Variants in AGFG1 observed in about 807,000 individuals in gnomAD.
AGFG1 encodes the protein ArfGAP with FG repeats 1.
AGFG1 carries 10 observed loss-of-function variants against 60.6 expected under a neutral mutation model. The observed-to-expected ratio is 0.16, with a 90% confidence interval of 0.10 to 0.28. The LOEUF (loss-of-function observed/expected upper bound fraction) is 0.28, where lower values mean the gene tolerates loss of function less well. Among genes scored for constraint, AGFG1 ranks in the 10% least tolerant of loss-of-function variants. The pLI, the probability that AGFG1 is intolerant of heterozygous loss-of-function variation, is 1.00. For synonymous variants in AGFG1, 247 were observed against 242.9 expected (o/e 1.02, Z -0.16); for missense variants, 537 against 676.5 (o/e 0.79, Z 2.29).
chr2:227,540,511 C>T (rs1388966504), intron 10 of AGFG1, among the ~76,000 whole-genome samples: 1 of 152,150 alleles, frequency 6.6e-6, no homozygotes, highest in Non-Finnish European at 1.5e-5. Context: ...CGTGTGCCTA[C>T]AAAGGACATG....
Position 227,520,001 on chromosome 2 carries a change from A to G in AGFG1, c.315A>G (p.Pro105=). 1.9e-6 allele frequency: 3 copies of G among 1,586,722 alleles called. No individual in the cohort carries two copies. The highest frequency in any genetic ancestry group is 4.6e-5 in the East Asian group (2 of 43,084). ...GLFDDRSSAI[P]DFRDPQKVKE... ...TTGATGATAGATCTTCAGCAATTCCAGACTTCAGGGATCCACAAAAAGTGA... is the reference window on the plus strand; with the variant it reads ...TTGATGATAGATCTTCAGCAATTCCGGACTTCAGGGATCCACAAAAAGTGA... Residue 105 remains proline (P), a synonymous_variant, in exon 3 of 13, where the codon CCA becomes CCG. Transcript: ENST00000310078.
At chr2:227,535,255 C>CTA (rs1420524354) in intron 8 of AGFG1, among the ~76,000 whole-genome samples, 4 of 152,170 alleles carry the variant, frequency 2.6e-5, no homozygotes, top group African/African-American at 9.7e-5. Flanking sequence ...TCCTTGAACA[C>CTA]TAAACCGTAT....
intron 2 of AGFG1, among the ~76,000 whole-genome samples, chr2:227,517,632 C>T (rs1045348918): frequency 6.6e-6 from 1 of 152,344 alleles, no homozygotes; most frequent in African/African-American, 2.4e-5. Flanking sequence ...CAAGTCCTTT[C>T]TCCTAACCTT....
At chr2:227,523,410 T>A (rs1228898138) in intron 3 of AGFG1, among the ~76,000 whole-genome samples, 3 of 152,308 alleles carry the variant, frequency 2.0e-5, no homozygotes, top group East Asian at 1.9e-4. Context: ...AAGATAATTT[T>A]AAAAATTATA....
At chr2:227,553,419 C>T (rs1692880397) in intron 11 of AGFG1, among the ~76,000 whole-genome samples, 3 of 150,962 alleles carry the variant, frequency 2.0e-5, no homozygotes, top group Non-Finnish European at 2.9e-5. Context: ...TCACCTGAGC[C>T]CTGGAGGTTG....
Position 227,558,084 on chromosome 2 carries a change from G to A in AGFG1, c.*3589G>A, listed in dbSNP as rs1469224730. The A allele has an allele frequency of 3.3e-5, 5 of 152,158 alleles. No individual in the cohort carries two copies. Among genetic ancestry groups the A allele is most frequent in the Admixed American group, 3.3e-4 (5 of 15,280 alleles). The allele number at this position is 152,158 out of a possible 1,614,324, so 9.4% of individuals were successfully genotyped here. ...ACACTACTTCAAGGTAATAATAGCA[G>A]TGGTATTATGGGCTGTGTATGAGAT... On this transcript the variant is annotated 3_prime_UTR_variant, in exon 13 of 13. Transcript: ENST00000310078.
intron 2 of AGFG1, among the ~76,000 whole-genome samples, chr2:227,514,572 A>G (rs894907716): frequency 1.3e-5 from 2 of 152,178 alleles, no homozygotes; most frequent in East Asian, 1.9e-4. Flanking sequence ...AAACCTCCCT[A>G]TGAAATAGGT....
At chr2:227,479,459 T>C (rs1291979813) in intron 1 of AGFG1, among the ~76,000 whole-genome samples, 1 of 152,228 alleles carries the variant, frequency 6.6e-6, no homozygotes, top group Non-Finnish European at 1.5e-5. Context: ...TTAAAAGAAC[T>C]TGCCGACCTC....
In AGFG1 at chr2:227,560,369, C is replaced by T. The variant is rs1251521083; in HGVS notation, c.*5874C>T. ...ATTATTCTATTTTGAGGCTCACCAG[C>T]TGTGTAGGTATGATCTTGTGCTTCC... is the stretch of plus-strand genomic sequence containing the variant. On this transcript the variant is annotated 3_prime_UTR_variant, in exon 13 of 13. Coordinates refer to ENST00000310078, the MANE Select transcript of AGFG1 (RefSeq NM_004504.5). The T allele has an allele frequency of 6.6e-6, 1 of 152,036 alleles. No individual in the cohort carries two copies. The highest frequency in any genetic ancestry group is 1.9e-4 in the East Asian group (1 of 5,194). 9.4% of individuals were successfully genotyped at this position (152,036 alleles called of 1,614,324 possible). A position where few individuals can be genotyped will look rare whatever the true frequency, so the allele number is the denominator to read the frequency against.
rs374013439 is a variant in AGFG1 at position 227,518,642 on chromosome 2, G to T, written c.262-1306G>T. 4.8e-4 allele frequency among the ~76,000 whole-genome samples: 72 copies of T among 150,720 alleles called. No homozygotes were observed. The East Asian group carries it at 0.012, about 24-fold the overall frequency. ...GGGTTCAAGCCATTCTTCTGACTCAGCCTCCTGAGTAGCTGGGATTACAGG... is the reference window on the plus strand; with the variant it reads ...GGGTTCAAGCCATTCTTCTGACTCATCCTCCTGAGTAGCTGGGATTACAGG... On this transcript the variant is annotated intron_variant, in intron 2 of 12. Transcript: ENST00000310078.
intron 5 of AGFG1, among the ~76,000 whole-genome samples, chr2:227,530,709 T>C (rs904607619): frequency 6.6e-6 from 1 of 152,158 alleles, no homozygotes; most frequent in Non-Finnish European, 1.5e-5. Context: ...TTACCATTTT[T>C]AATCAGTGAA....
chr2:227,551,921 C>T, intron 10 of AGFG1, 38 bp from the exon 11 acceptor site: 2 of 1,593,580 alleles, frequency 1.3e-6, no homozygotes, highest in South Asian at 1.1e-5. Flanking sequence ...TAAACATATC[C>T]TGTTGTATGT....
intron 10 of AGFG1, chr2:227,550,097 G>T: frequency 2.3e-6 from 1 of 440,030 alleles, no homozygotes; most frequent in Non-Finnish European, 4.7e-6. Context: ...GTTTCCTCAC[G>T]CTCATTTTGG....
chr2:227,540,441 T>C lies in AGFG1; in HGVS notation c.1378+3448T>C, dbSNP rs968705620. Among the ~76,000 whole-genome samples, 14 of 152,222 alleles carry C rather than the reference T, an allele frequency of 9.2e-5. No individual in the cohort carries two copies. The South Asian group carries it at 2.9e-3, about 32-fold the overall frequency. On this transcript the variant is annotated intron_variant, in intron 10 of 12. Transcript: ENST00000310078. The stretch of plus-strand genomic sequence containing the variant: ...GTTCCCACCTATGAGTTAGAACATG[T>C]GGTGTTTGGTTTTCTGTCCTTGCGA...
intron 2 of AGFG1, among the ~76,000 whole-genome samples, chr2:227,498,623 T>A (rs1310376263): frequency 6.6e-6 from 1 of 152,218 alleles, no homozygotes; most frequent in Non-Finnish European, 1.5e-5. Flanking sequence ...GTATATTATT[T>A]GATGTTAACT....
chr2:227,559,949 T>A lies in AGFG1; in HGVS notation c.*5454T>A, dbSNP rs1294546541. ...TATGATTTCTAAAAATTATGCAGTA[T>A]ACACAAAGGGCATAAAGTCAAAAAG... On this transcript the variant is annotated 3_prime_UTR_variant, in exon 13 of 13. Transcript: ENST00000310078. 2 of 152,152 alleles carry A rather than the reference T, an allele frequency of 1.3e-5. No homozygotes were observed. Among genetic ancestry groups the A allele is most frequent in the East Asian group, 3.8e-4 (2 of 5,200 alleles). The allele number at this position is 152,152 out of a possible 1,614,324, so 9.4% of individuals were successfully genotyped here.
chr2:227,488,461 A>G (rs1690704766), intron 1 of AGFG1, among the ~76,000 whole-genome samples: 1 of 152,216 alleles, frequency 6.6e-6, no homozygotes, highest in African/African-American at 2.4e-5. Context: ...ATAGTGTTTG[A>G]TATGTCCTCA....
chr2:227,525,208 T>C (rs1461853956), intron 5 of AGFG1, among the ~76,000 whole-genome samples: 1 of 152,236 alleles, frequency 6.6e-6, no homozygotes, highest in Non-Finnish European at 1.5e-5. Context: ...AATTGGATAC[T>C]CTAACGTTTA....
At chr2:227,472,748 CTGCGGGCTGGA>C (rs1397407537) in intron 1 of AGFG1, among the ~76,000 whole-genome samples, 160 bp downstream of exon 1, 4 of 151,644 alleles carry the variant, frequency 2.6e-5, no homozygotes, top group South Asian at 2.1e-4. Flanking sequence ...GCGTGGGAGG[CTGCGGGCTGGA>C]TGCGCAGGGC....
Sources: gnomAD v4.1 joint callset for allele counts (sites outside exome capture counted in the v4.1 genomes callset) on GRCh38, gnomAD v4.1.1 for gene constraint, MANE v1.5 for transcripts, NCBI Gene and HGNC (gene_info 2026-07-23, HGNC 2026-07-21) for gene names.